The following CCSER1 variants were observed in gnomAD, a reference collection of about 807,000 sequenced individuals.
The protein encoded by CCSER1 is coiled-coil serine rich protein 1.
A neutral mutation model predicts 82.0 loss-of-function variants in CCSER1; 41 were observed. The observed-to-expected ratio is 0.50, with a 90% CI of 0.39 to 0.65. CCSER1 has a LOEUF of 0.65. Ranked by LOEUF, CCSER1 falls within the 30% of genes least tolerant of loss-of-function variation. The probability of loss-of-function intolerance (pLI) is 0.00; values close to 1 mark genes in which losing one functional copy is unlikely to be tolerated. For missense variants in CCSER1, 1,119 were observed against 1,064.2 expected (o/e 1.05, Z -0.72); for synonymous variants, 414 against 383.9 (o/e 1.08, Z -0.92).
chr4:91,135,589 G>C (rs1020148845), intron 10 of CCSER1, among the ~76,000 whole-genome samples: 3 of 152,098 alleles, frequency 2.0e-5, no homozygotes, highest in East Asian at 1.9e-4. Context: ...GGGGTGGTAC[G>C]AACTTATCTG....
chr4:90,489,679 AC>A (rs941191429), intron 5 of CCSER1, among the ~76,000 whole-genome samples: 4 of 151,792 alleles, frequency 2.6e-5, no homozygotes, highest in Non-Finnish European at 5.9e-5. Flanking sequence ...CCTCCACCCA[AC>A]CCCATGACAG....
At chr4:91,059,361 ATGTG>A (rs1220761880) in intron 9 of CCSER1, among the ~76,000 whole-genome samples, 1 of 83,188 alleles carries the variant, frequency 1.2e-5, no homozygotes, top group East Asian at 2.1e-4. Flanking sequence ...ACACGTGTGT[ATGTG>A]TGTGTGTGCG....
chr4:91,350,952 TTTA>T (rs2149299835), intron 10 of CCSER1, among the ~76,000 whole-genome samples: 1 of 152,048 alleles, frequency 6.6e-6, no homozygotes, highest in East Asian at 1.9e-4. Context: ...CAATAAAAAA[TTTA>T]TTTATGAAAT....
intron 9 of CCSER1, among the ~76,000 whole-genome samples, chr4:90,988,334 CAAAAAAAAAAAAAAAAA>C (rs60408059): frequency 8.0e-5 from 6 of 75,366 alleles, no homozygotes; most frequent in Non-Finnish European, 1.2e-4. Flanking sequence ...TATCTTGTCT[CAAAAAAAAAAAAAAAAA>C]AAAAAAAAAA....
At chr4:91,470,753 G>A (rs1441997140) in intron 10 of CCSER1, among the ~76,000 whole-genome samples, 1 of 152,128 alleles carries the variant, frequency 6.6e-6, no homozygotes, top group Non-Finnish European at 1.5e-5. Context: ...TCTACCATCT[G>A]CCAGTAAATC....
chr4:90,925,763 C>T (rs992894350), intron 9 of CCSER1, among the ~76,000 whole-genome samples: 5 of 152,036 alleles, frequency 3.3e-5, no homozygotes, highest in African/African-American at 1.2e-4. Flanking sequence ...TAGCTTGTTT[C>T]GTATGTTACA....
intron 9 of CCSER1, among the ~76,000 whole-genome samples, chr4:91,006,025 C>T (rs1180979745): frequency 6.6e-6 from 1 of 152,068 alleles, no homozygotes; most frequent in East Asian, 1.9e-4. Context: ...AACATTTTTT[C>T]TGTTTGCTCA....
At chr4:90,321,204 C>G (rs1561023797) in intron 3 of CCSER1, among the ~76,000 whole-genome samples, 1 of 152,056 alleles carries the variant, frequency 6.6e-6, no homozygotes, top group Non-Finnish European at 1.5e-5. Flanking sequence ...TAATGTCCCC[C>G]CAACCCTCCA....
At chr4:91,086,936 T>C (rs186410009) in intron 10 of CCSER1, among the ~76,000 whole-genome samples, 3 of 152,212 alleles carry the variant, frequency 2.0e-5, no homozygotes, top group Non-Finnish European at 2.9e-5. Flanking sequence ...TTGGTTCACA[T>C]TGATGGAAGA....
At chr4:91,309,925 G>A (rs1745345734) in intron 10 of CCSER1, among the ~76,000 whole-genome samples, 1 of 151,866 alleles carries the variant, frequency 6.6e-6, no homozygotes, top group South Asian at 2.1e-4. Context: ...AAGGCTAGAG[G>A]TCCAAGATCA....
chr4:90,866,691 C>A (rs1765767688), intron 8 of CCSER1, among the ~76,000 whole-genome samples: 1 of 152,040 alleles, frequency 6.6e-6, no homozygotes, highest in Non-Finnish European at 1.5e-5. Flanking sequence ...ACCACTTCCA[C>A]TTCACTATTT....
chr4:90,393,995 G>T (rs1057018083), intron 3 of CCSER1, among the ~76,000 whole-genome samples: 1 of 151,332 alleles, frequency 6.6e-6, no homozygotes, highest in African/African-American at 2.4e-5. Context: ...GCCCAGGATG[G>T]TCTTAAATTC....
At chr4:90,908,355 G>A (rs1373861285) in intron 8 of CCSER1, among the ~76,000 whole-genome samples, 1 of 152,102 alleles carries the variant, frequency 6.6e-6, no homozygotes, top group Non-Finnish European at 1.5e-5. Flanking sequence ...AAATGAGTGT[G>A]AGGAGAGTCA....
At chr4:90,761,855 A>G (rs947236662) in intron 7 of CCSER1, among the ~76,000 whole-genome samples, 2 of 152,096 alleles carry the variant, frequency 1.3e-5, no homozygotes, top group African/African-American at 4.8e-5. Flanking sequence ...CAAATGGCCA[A>G]AGTGAGAAGA....
At chr4:91,503,862 T>C (rs556047784) in intron 10 of CCSER1, among the ~76,000 whole-genome samples, 1 of 152,182 alleles carries the variant, frequency 6.6e-6, no homozygotes, top group Admixed American at 6.6e-5. Flanking sequence ...TATGGAGACA[T>C]GATTATATTA....
At chr4:90,822,657 G>A (rs770772297) in intron 8 of CCSER1, among the ~76,000 whole-genome samples, 4 of 150,280 alleles carry the variant, frequency 2.7e-5, no homozygotes, top group Non-Finnish European at 5.9e-5. Context: ...GAACCTGGGA[G>A]GCGGAGGCTG....
At chr4:91,351,816 A>C (rs367671739) in intron 10 of CCSER1, among the ~76,000 whole-genome samples, 1 of 152,048 alleles carries the variant, frequency 6.6e-6, no homozygotes, top group African/African-American at 2.4e-5. Context: ...TAAAGGGAAA[A>C]TATTCATTTG....
chr4:90,825,308 A>G (rs1267671266), intron 8 of CCSER1, among the ~76,000 whole-genome samples: 1 of 152,198 alleles, frequency 6.6e-6, no homozygotes, highest in Non-Finnish European at 1.5e-5. Context: ...TAAACAGTTG[A>G]ATATTTTGGA....
intron 6 of CCSER1, among the ~76,000 whole-genome samples, chr4:90,633,881 C>T (rs1724933379): frequency 1.3e-5 from 2 of 151,774 alleles, no homozygotes; most frequent in Admixed American, 1.3e-4. Context: ...TTAAAATGCA[C>T]ATTCATATTC....
Sources: gnomAD v4.1 joint callset for allele counts (sites outside exome capture counted in the v4.1 genomes callset) on GRCh38, gnomAD v4.1.1 for gene constraint, MANE v1.5 for transcripts, NCBI Gene and HGNC (gene_info 2026-07-23, HGNC 2026-07-21) for gene names.